The following PLXNA2 variants were observed in gnomAD, a reference collection of about 807,000 sequenced individuals.
The protein encoded by PLXNA2 is plexin-A2.
A neutral mutation model predicts 193.5 loss-of-function variants in PLXNA2; 91 were observed. The observed-to-expected ratio is 0.47, with a 90% confidence interval of 0.40 to 0.56. PLXNA2 has a LOEUF of 0.56. Among genes scored for constraint, PLXNA2 ranks in the 20% least tolerant of loss-of-function variants. The pLI is 0.00. For synonymous variants in PLXNA2, 997 were observed against 1,027.3 expected, an observed-to-expected ratio of 0.97 and a Z score of 0.56; for missense variants, 1,995 against 2,503.2, an observed-to-expected ratio of 0.80 and a Z score of 4.33.
chr1:208,143,026 C>G (rs1668501866), intron 3 of PLXNA2, among the ~76,000 whole-genome samples: 1 of 152,136 alleles, frequency 6.6e-6, no homozygotes, highest in Admixed American at 6.5e-5. Context: ...ATGTGGGGAG[C>G]CAGGAATCCT....
At chr1:208,065,114 G>A (rs1665747670) in intron 12 of PLXNA2, among the ~76,000 whole-genome samples, 1 of 152,192 alleles carries the variant, frequency 6.6e-6, no homozygotes, top group African/African-American at 2.4e-5. Flanking sequence ...CAGGGGAGGG[G>A]AGAGCTTGTC....
intron 10 of PLXNA2, 22 bp downstream of exon 10, chr1:208,084,358 G>T: frequency 6.2e-7 from 1 of 1,612,734 alleles, no homozygotes; most frequent in East Asian, 2.2e-5. Context: ...CTCCAGGCAG[G>T]GCCCAGCCTG....
At chr1:208,049,098 C>A (rs1226651545) in intron 17 of PLXNA2, among the ~76,000 whole-genome samples, 1 of 152,146 alleles carries the variant, frequency 6.6e-6, no homozygotes, top group East Asian at 1.9e-4. Context: ...CTGTTCCTTC[C>A]TGCAGAAACC....
In PLXNA2 at chr1:208,119,532, T is replaced by C. The variant is rs1200175747; in HGVS notation, c.1507-16285A>G. Among the ~76,000 whole-genome samples, 4 of 152,362 alleles carry C rather than the reference T, an allele frequency of 2.6e-5. No individual in the cohort carries two copies. The South Asian group carries it at 8.3e-4, about 32-fold the overall frequency. ...GAAGGGCTAGGGCCACTTCTTCCTC[T>C]TCCTGTCCAGCACTTTATGTCATCA... On this transcript the variant is annotated intron_variant, in intron 4 of 31. Transcript: ENST00000367033.
At chr1:208,128,282 T>A (rs375622957) in intron 4 of PLXNA2, among the ~76,000 whole-genome samples, 2 of 152,182 alleles carry the variant, frequency 1.3e-5, no homozygotes, top group African/African-American at 4.8e-5. Flanking sequence ...GGCAGATGAC[T>A]TAAGGATGAA....
chr1:208,199,606 G>A (rs923461315), intron 3 of PLXNA2, among the ~76,000 whole-genome samples: 3 of 151,882 alleles, frequency 2.0e-5, no homozygotes, highest in Non-Finnish European at 4.4e-5. Context: ...CAGGAGAATC[G>A]CTTGAACTAG....
At chr1:208,152,841 A>T (rs1474627920) in intron 3 of PLXNA2, among the ~76,000 whole-genome samples, 3 of 151,522 alleles carry the variant, frequency 2.0e-5, no homozygotes, top group Non-Finnish European at 4.4e-5. Flanking sequence ...TTTCGTCTTC[A>T]CGCCTTTGCT....
intron 3 of PLXNA2, among the ~76,000 whole-genome samples, chr1:208,173,833 G>T (rs1265249860): frequency 6.6e-6 from 1 of 152,246 alleles, no homozygotes. Flanking sequence ...ACCTGCAGAA[G>T]GATGAGCAGC....
intron 22 of PLXNA2, among the ~76,000 whole-genome samples, chr1:208,041,726 C>T (rs968472716): frequency 8.5e-5 from 13 of 152,240 alleles, no homozygotes; most frequent in African/African-American, 2.2e-4. Context: ...CTAGAGGCAC[C>T]GGGAGGAAGA....
At position 208,105,083 on chromosome 1, in the gene PLXNA2, C is replaced by G. The variant is rs151007448; in HGVS notation, c.1507-1836G>C. On this transcript the variant is annotated intron_variant, in intron 4 of 31. Coordinates refer to ENST00000367033, the MANE Select transcript of PLXNA2 (RefSeq NM_025179.4). ...ATCAGGGTCGAGAGAAGCCACCCCC[C>G]ACTGTGGAGTCCGGAGTTCAGGTCT... is the stretch of plus-strand genomic sequence containing the variant. 1.9e-3 allele frequency among the ~76,000 whole-genome samples: 287 copies of G among 152,312 alleles called. 1 individual carries two copies. The highest frequency in any genetic ancestry group is 5.7e-3 in the African/African-American group (235 of 41,564).
At chr1:208,124,772 A>T (rs1313604696) in intron 4 of PLXNA2, among the ~76,000 whole-genome samples, 1 of 151,922 alleles carries the variant, frequency 6.6e-6, no homozygotes, top group Non-Finnish European at 1.5e-5. Flanking sequence ...TTTCCTATAC[A>T]TGTGAGGCCT....
intron 13 of PLXNA2, among the ~76,000 whole-genome samples, chr1:208,060,441 A>G (rs1665578379): frequency 6.6e-6 from 1 of 152,062 alleles, no homozygotes; most frequent in Admixed American, 6.5e-5. Flanking sequence ...AGACTGAATG[A>G]GGGACGGTCA....
chr1:208,040,319 AACTTTGGCTGCATCTGAG>A (rs1347186730), intron 22 of PLXNA2: 1 of 497,836 alleles, frequency 2.0e-6, no homozygotes, highest in Non-Finnish European at 3.6e-6. Flanking sequence ...TGGTGCTCTG[AACTTTGGCTGCATCTGAG>A]ACAGGGTCTG....
intron 4 of PLXNA2, among the ~76,000 whole-genome samples, chr1:208,133,788 T>C (rs1170818713): frequency 2.6e-5 from 4 of 152,234 alleles, no homozygotes; most frequent in Non-Finnish European, 4.4e-5. Context: ...CTAGACCAGG[T>C]TACTCAGGAT....
intron 12 of PLXNA2, among the ~76,000 whole-genome samples, chr1:208,076,226 C>T (rs554938199): frequency 6.6e-6 from 1 of 151,936 alleles, no homozygotes; most frequent in Non-Finnish European, 1.5e-5. Context: ...CACCACTACA[C>T]CCAGCAAAAT....
At chr1:208,215,982 T>A (rs1338245314) in intron 2 of PLXNA2, among the ~76,000 whole-genome samples, 1 of 152,116 alleles carries the variant, frequency 6.6e-6, no homozygotes, top group Non-Finnish European at 1.5e-5. Flanking sequence ...CAAGCCAGAC[T>A]CCCTTCCCTC....
rs371880755 is a variant in PLXNA2, at chr1:208,044,490, G to A, written c.3874+18C>T. 13 of 1,555,608 alleles carry A rather than the reference G, an allele frequency of 8.4e-6. No homozygotes were observed. Among genetic ancestry groups the A allele is most frequent in the Non-Finnish European group, 1.1e-5 (12 of 1,126,886 alleles). On this transcript the variant is annotated intron_variant, in intron 20 of 31. Coordinates refer to ENST00000367033, the MANE Select transcript of PLXNA2 (RefSeq NM_025179.4). This position sits in a 1 kb window ranked among gnomAD's most constrained non-coding sequence, Gnocchi z 4.9. ...GGAGAAAGAGGGACCCAGCAAATGA[G>A]GGTGTGCTTCCACTAACCTTCCTTG...
chr1:208,028,916 C>G lies in PLXNA2; in HGVS notation c.5352G>C (p.Thr1784=), dbSNP rs774381426. The part of the protein sequence containing the change: ...VAQTFMDSCS[T]SEHRLGKDSP... ...AGTCCTTGCCCAGCCGGTGCTCTGA[C>G]GTTGAACAAGAGTCCATGAAGGTCT... Residue 1784 remains threonine (T), a synonymous_variant, in exon 30 of 32, where the codon ACG becomes ACC. Transcript: ENST00000367033. This position sits in a 1 kb window ranked among gnomAD's most constrained non-coding sequence, Gnocchi z 4.2. 1.9e-6 allele frequency: 3 copies of G among 1,614,088 alleles called. No homozygotes were observed. Among genetic ancestry groups the G allele is most frequent in the Admixed American group, 3.3e-5 (2 of 60,012 alleles).
rs77902002 is a variant in PLXNA2, at chr1:208,051,999, T to A, written c.2993+328A>T. ...TTCTAAGAACTGAGGCTATGCAATC[T>A]CCGTGTTTTTCAAGTCACCATAGTG... On this transcript the variant is annotated intron_variant, in intron 15 of 31. Coordinates refer to ENST00000367033, the MANE Select transcript of PLXNA2 (RefSeq NM_025179.4). Among the ~76,000 whole-genome samples the A allele has an allele frequency of 4.6e-3, 697 of 152,284 alleles. 7 individuals are homozygous for A. The highest frequency in any genetic ancestry group is 0.016 in the African/African-American group (675 of 41,554).
Sources: gnomAD v4.1 joint callset for allele counts (sites outside exome capture counted in the v4.1 genomes callset) on GRCh38, gnomAD v4.1.1 for gene constraint, Gnocchi (gnomAD v3.1) non-coding constraint, MANE v1.5 for transcripts, NCBI Gene and HGNC (gene_info 2026-07-23, HGNC 2026-07-21) for gene names.